NFKB1: variants seen among roughly 807,000 people sequenced by gnomAD.
NFKB1 encodes the protein nuclear factor kappa B subunit 1.
In NFKB1, 9 loss-of-function variants were observed where a neutral mutation model predicts 105.1. That is an observed-to-expected ratio of 0.09 (90% CI 0.05 to 0.15). The LOEUF (loss-of-function observed/expected upper bound fraction) is 0.15. NFKB1 is among the 10% of genes least tolerant of loss of function. The probability of loss-of-function intolerance (pLI) is 1.00; values close to 1 mark genes in which losing one functional copy is unlikely to be tolerated. For synonymous variants in NFKB1, 440 were observed against 442.2 expected, an observed-to-expected ratio of 1.00 and a Z score of 0.06; for missense variants, 830 against 1,203.7, an observed-to-expected ratio of 0.69 and a Z score of 4.59.
chr4:102,529,800 A>G (rs766098964), intron 2 of NFKB1, 36 bp from the exon 3 acceptor site: 1 of 1,461,336 alleles, frequency 6.8e-7, no homozygotes, highest in Non-Finnish European at 9.4e-7. Flanking sequence ...TATAGGAAAA[A>G]TAATGATTGA....
chr4:102,592,823 C>T (rs1247710872), intron 11 of NFKB1, among the ~76,000 whole-genome samples: 2 of 152,092 alleles, frequency 1.3e-5, no homozygotes, highest in Non-Finnish European at 2.9e-5. Context: ...TTCTGAGAAG[C>T]CTTTCCTGAA....
intron 5 of NFKB1, among the ~76,000 whole-genome samples, chr4:102,553,335 T>TA (rs1445794112): frequency 4.6e-5 from 7 of 152,138 alleles, no homozygotes; most frequent in Non-Finnish European, 7.4e-5. Context: ...TGTATACCTT[T>TA]AAGAAAAAAG....
At chr4:102,607,441 T>A (rs1727878796) in intron 18 of NFKB1, 122 bp downstream of exon 18, 1 of 1,203,650 alleles carries the variant, frequency 8.3e-7, no homozygotes, top group South Asian at 1.4e-5. Flanking sequence ...TGTTTAACAT[T>A]TATGGAGGGC....
At chr4:102,535,907 T>C (rs1008074860) in intron 4 of NFKB1, among the ~76,000 whole-genome samples, 4 of 151,696 alleles carry the variant, frequency 2.6e-5, no homozygotes, top group Non-Finnish European at 5.9e-5. Context: ...GTTTTTTTTT[T>C]TTAAGTTAGA....
intron 7 of NFKB1, among the ~76,000 whole-genome samples, chr4:102,577,491 C>T (rs1368486453): frequency 6.6e-6 from 1 of 152,178 alleles, no homozygotes; most frequent in East Asian, 1.9e-4. Context: ...TCTTTGGGCT[C>T]TGCAGACACA....
intron 12 of NFKB1, among the ~76,000 whole-genome samples, chr4:102,594,454 C>A (rs1250252866): frequency 6.6e-6 from 1 of 152,136 alleles, no homozygotes; most frequent in African/African-American, 2.4e-5. Flanking sequence ...ATGCTTCCAC[C>A]AAAAATGCCT....
intron 1 of NFKB1, among the ~76,000 whole-genome samples, chr4:102,518,355 C>T (rs1207441692): frequency 2.0e-5 from 3 of 152,124 alleles, no homozygotes; most frequent in Non-Finnish European, 4.4e-5. Context: ...GTTTTGGCTA[C>T]TATACTTGCC....
rs142008564 is a variant in NFKB1, at chr4:102,593,504, A to G, written c.1146A>G (p.Gly382=). The change falls in exon 12 of 24, where the codon GGA becomes GGG. Residue 382 remains glycine, a synonymous_variant. Transcript: ENST00000226574. Reference sequence around the variant, plus strand: ...GTTTCGGCGGTGGTAGTGGTGCTGGAGCTGGAGGCGGAGGCATGTTTGGTA... The same window carrying G: ...GTTTCGGCGGTGGTAGTGGTGCTGGGGCTGGAGGCGGAGGCATGTTTGGTA... ...SDSFGGGSGA[G]AGGGGMFGSG... 44 of 1,613,566 alleles carry G rather than the reference A, an allele frequency of 2.7e-5. No homozygotes were observed. In the African/African-American group the frequency reaches 5.7e-4, roughly 21 times the overall value.
intron 11 of NFKB1, among the ~76,000 whole-genome samples, chr4:102,585,806 T>C (rs1037877679): frequency 1.3e-5 from 2 of 152,074 alleles, no homozygotes; most frequent in East Asian, 1.9e-4. Flanking sequence ...ATTTCAGCAG[T>C]TGGGTGTTAA....
intron 1 of NFKB1, among the ~76,000 whole-genome samples, chr4:102,518,606 C>G (rs1740358491): frequency 6.6e-6 from 1 of 152,152 alleles, no homozygotes; most frequent in South Asian, 2.1e-4. Context: ...AGGAGAATCA[C>G]CACAAAGCAA....
chr4:102,606,945 C>T (rs548810425), intron 17 of NFKB1, among the ~76,000 whole-genome samples: 41 of 152,284 alleles, frequency 2.7e-4, no homozygotes, highest in African/African-American at 9.9e-4. Context: ...CACAAAGCGT[C>T]GTTTATTCAG....
chr4:102,531,066 A>G (rs1476616230), intron 3 of NFKB1, among the ~76,000 whole-genome samples: 1 of 152,168 alleles, frequency 6.6e-6, no homozygotes, highest in Admixed American at 6.5e-5. Flanking sequence ...TATTTTTCTT[A>G]GTATTAATGT....
At chr4:102,545,669 A>G (rs1396285275) in intron 5 of NFKB1, among the ~76,000 whole-genome samples, 7 of 152,262 alleles carry the variant, frequency 4.6e-5, no homozygotes, top group Admixed American at 6.5e-5. Flanking sequence ...ATGGTTCACA[A>G]TCATGGGTGG....
chr4:102,519,290 G>GTATATTA (rs1740411463), intron 1 of NFKB1, among the ~76,000 whole-genome samples: 1 of 146,668 alleles, frequency 6.8e-6, no homozygotes. Context: ...TCATATATAA[G>GTATATTA]TATATTATAT....
chr4:102,535,373 T>C (rs964080510), intron 4 of NFKB1, among the ~76,000 whole-genome samples: 2 of 152,192 alleles, frequency 1.3e-5, no homozygotes, highest in Non-Finnish European at 2.9e-5. Context: ...AAATTGGCAT[T>C]TATGATTTAC....
intron 2 of NFKB1, among the ~76,000 whole-genome samples, chr4:102,527,931 T>G (rs537505798): frequency 6.6e-6 from 1 of 152,296 alleles, no homozygotes; most frequent in African/African-American, 2.4e-5. Flanking sequence ...TGGGCATCTT[T>G]GCGATCATCA....
intron 18 of NFKB1, 64 bp downstream of exon 18, chr4:102,607,383 A>T (rs1298900230): frequency 6.4e-7 from 1 of 1,557,408 alleles, no homozygotes; most frequent in African/African-American, 1.4e-5. Flanking sequence ...AAATCTTTTC[A>T]AAGAAGGAAG....
At chr4:102,579,550 G>T (rs1014691533) in intron 8 of NFKB1, among the ~76,000 whole-genome samples, 2 of 151,140 alleles carry the variant, frequency 1.3e-5, no homozygotes, top group South Asian at 4.2e-4. Context: ...TTGGCGTCAT[G>T]CCCTGTAGTC....
At chr4:102,540,239 C>T (rs1287447632) in intron 5 of NFKB1, among the ~76,000 whole-genome samples, 2 of 152,110 alleles carry the variant, frequency 1.3e-5, no homozygotes, top group South Asian at 4.1e-4. Flanking sequence ...ATTCTTGATA[C>T]TAACAAACAC....
Sources: allele counts gnomAD v4.1 joint callset (sites outside exome capture counted in the v4.1 genomes callset), GRCh38; gene constraint gnomAD v4.1.1; transcripts MANE v1.5; gene names NCBI Gene and HGNC (gene_info 2026-07-23, HGNC 2026-07-21).